KIF16B: variants seen among roughly 807,000 people sequenced by gnomAD.
KIF16B encodes the protein kinesin-like protein KIF16B.
A neutral mutation model predicts 156.3 loss-of-function variants in KIF16B; 98 were observed. The ratio of observed to expected loss-of-function variants is 0.63; its 90% CI spans 0.53 to 0.74. The LOEUF (loss-of-function observed/expected upper bound fraction) is 0.74, where lower values mean the gene tolerates loss of function less well. Ranked by LOEUF, KIF16B falls within the 30% of genes least tolerant of loss-of-function variation. KIF16B has a pLI of 0.00. For synonymous variants in KIF16B, 564 were observed against 583.7 expected (o/e 0.97, Z 0.49); for missense variants, 1,421 against 1,606.5 (o/e 0.88, Z 1.97).
intron 17 of KIF16B, among the ~76,000 whole-genome samples, chr20:16,395,954 A>C (rs1168632727): frequency 6.6e-6 from 1 of 152,150 alleles, no homozygotes; most frequent in East Asian, 1.9e-4. Flanking sequence ...GAGAGCCTTA[A>C]AACTATATGT....
chr20:16,341,377 G>C (rs574715216), intron 23 of KIF16B, among the ~76,000 whole-genome samples: 14 of 152,286 alleles, frequency 9.2e-5, no homozygotes, highest in Admixed American at 2.6e-4. Flanking sequence ...AGTGAGGTCA[G>C]TGAAGGTATC....
At chr20:16,553,061 C>T (rs1370184677) in intron 1 of KIF16B, among the ~76,000 whole-genome samples, 1 of 152,118 alleles carries the variant, frequency 6.6e-6, no homozygotes, top group Non-Finnish European at 1.5e-5. Flanking sequence ...CCACCGTACC[C>T]GGCCTCTATT....
At position 16,370,666 on chromosome 20, in the gene KIF16B, TAAATTATAGC is replaced by T. The variant is rs752906811; in HGVS notation, c.3448-40_3448-31del. The T allele has an allele frequency of 2.4e-5, 38 of 1,554,628 alleles. No individual in the cohort carries two copies. In the South Asian group the frequency reaches 4.0e-4, roughly 16 times the overall value. ...AAAGAAAAGAAAAAGCCCTCTATAT[TAAATTATAGC>T]AAGTTCACGGGGCGGGGGACTGATT... On this transcript the variant is annotated intron_variant, in intron 21 of 25. Transcript: ENST00000354981.
chr20:16,542,020 C>A (rs1600663531), intron 1 of KIF16B, among the ~76,000 whole-genome samples: 1 of 152,312 alleles, frequency 6.6e-6, no homozygotes, highest in East Asian at 1.9e-4. Context: ...ACTGTACCAA[C>A]CTCCCCTTTA....
chr20:16,387,449 T>C (rs2065255926), intron 17 of KIF16B, among the ~76,000 whole-genome samples: 2 of 152,112 alleles, frequency 1.3e-5, no homozygotes, highest in Non-Finnish European at 2.9e-5. Flanking sequence ...GGGAAGTGGA[T>C]GGCTCAAGTG....
At chr20:16,539,571 A>C (rs879599770) in intron 1 of KIF16B, among the ~76,000 whole-genome samples, 2 of 152,062 alleles carry the variant, frequency 1.3e-5, no homozygotes, top group Non-Finnish European at 2.9e-5. Context: ...CCTTGCTCTC[A>C]TTCTTTCCAT....
At position 16,318,430 on chromosome 20, in the gene KIF16B, C is replaced by T. The variant is rs117245181; in HGVS notation, c.3712-6012G>A. Among the ~76,000 whole-genome samples the T allele has an allele frequency of 4.2e-3, 646 of 152,170 alleles. 5 individuals are homozygous for T. Among genetic ancestry groups the T allele is most frequent in the Non-Finnish European group, 5.7e-3 (385 of 68,016 alleles). ...TAAGGGTAATAAAGAGGAAGCAAAG[C>T]GAGCCAGTTCTTGGAGAAACGGCTG... On this transcript the variant is annotated intron_variant, in intron 24 of 25. Transcript: ENST00000354981.
In KIF16B at chr20:16,321,311, T is replaced by C. The variant is rs891838575; in HGVS notation, c.3712-8893A>G. On this transcript the variant is annotated intron_variant, in intron 24 of 25. Transcript: ENST00000354981. ...TTATAGAAACAGTAAAAAGTGATTA[T>C]TCTTTTTACAAATTTAATGGAAGAG... Among the ~76,000 whole-genome samples the C allele has an allele frequency of 2.0e-5, 3 of 152,184 alleles. No individual in the cohort carries two copies. The East Asian group carries it at 5.8e-4, about 29-fold the overall frequency.
At chr20:16,420,095 A>G (rs1412893557) in intron 15 of KIF16B, among the ~76,000 whole-genome samples, 1 of 152,172 alleles carries the variant, frequency 6.6e-6, no homozygotes, top group Non-Finnish European at 1.5e-5. Flanking sequence ...AATGTTACAT[A>G]TCCCATCACT....
chr20:16,394,829 G>A (rs908037305), intron 17 of KIF16B, among the ~76,000 whole-genome samples: 1 of 152,146 alleles, frequency 6.6e-6, no homozygotes, highest in South Asian at 2.1e-4. Context: ...CCCAGGACAC[G>A]CAGTGGGGAC....
chr20:16,381,656 C>T (rs759583862), intron 18 of KIF16B, 38 bp downstream of exon 18: 16 of 1,529,056 alleles, frequency 1.0e-5, no homozygotes, highest in Non-Finnish European at 1.4e-5. Flanking sequence ...GGAATCCAGA[C>T]TACAGGAGTG....
intron 24 of KIF16B, among the ~76,000 whole-genome samples, chr20:16,334,721 G>A (rs2064005613): frequency 6.6e-6 from 1 of 152,040 alleles, no homozygotes; most frequent in African/African-American, 2.4e-5. Context: ...AAGAGTCTAG[G>A]ACCCCCTCCT....
At chr20:16,353,326 T>C (rs1037371472) in intron 23 of KIF16B, among the ~76,000 whole-genome samples, 1 of 152,028 alleles carries the variant, frequency 6.6e-6, no homozygotes, top group Non-Finnish European at 1.5e-5. Context: ...CAATCTAAAT[T>C]TTAAATTCCA....
intron 1 of KIF16B, among the ~76,000 whole-genome samples, chr20:16,560,818 A>C (rs1344060927): frequency 6.6e-6 from 1 of 152,136 alleles, no homozygotes. Context: ...ACCAGCTAAC[A>C]AGAGGAAACG....
At chr20:16,376,704 C>T (rs1175023360) in intron 19 of KIF16B, among the ~76,000 whole-genome samples, 1 of 152,170 alleles carries the variant, frequency 6.6e-6, no homozygotes, top group Non-Finnish European at 1.5e-5. Context: ...AACTGCAATA[C>T]TGTGTCTGCT....
At chr20:16,497,488 C>A in intron 11 of KIF16B, 125 bp downstream of exon 11, 3 of 707,980 alleles carry the variant, frequency 4.2e-6, no homozygotes, top group Admixed American at 2.6e-5. Context: ...TGATCACCAA[C>A]GAGGGAGGAG....
chr20:16,538,057 C>A (rs1319760563), intron 1 of KIF16B, among the ~76,000 whole-genome samples: 1 of 152,108 alleles, frequency 6.6e-6, no homozygotes, highest in East Asian at 1.9e-4. Context: ...CTCACCTCCT[C>A]CTGATAAACC....
intron 12 of KIF16B, among the ~76,000 whole-genome samples, chr20:16,457,973 G>A (rs886992719): frequency 2.0e-5 from 3 of 151,788 alleles, no homozygotes; most frequent in Non-Finnish European, 2.9e-5. Flanking sequence ...TTCAGAATCC[G>A]TGTTTTAGGA....
At position 16,379,025 on chromosome 20, in the gene KIF16B, T is replaced by C; in HGVS notation, c.2977A>G (p.Ile993Val). ...TGCTGCTTCTCTCTGGACTCCAAAA[T>C]CTCCTTTTCCTTTTTCCTCACTTTT... Reference protein sequence around the residue: ...EEKVRKKEKEILESREKQQRE... With the variant: ...EEKVRKKEKEVLESREKQQRE... Residue 993 changes from isoleucine (I) to valine (V), a missense_variant, in exon 19 of 26, where the codon ATT becomes GTT. Ile to Val is a conservative substitution (Grantham distance 29, BLOSUM62 3). Transcript: ENST00000354981. The C allele has an allele frequency of 6.2e-7, 1 of 1,611,792 alleles. No individual in the cohort carries two copies. The highest frequency in any genetic ancestry group is 1.1e-5 in the South Asian group (1 of 90,654).
Sources: gnomAD v4.1 joint callset for allele counts (sites outside exome capture counted in the v4.1 genomes callset) on GRCh38, gnomAD v4.1.1 for gene constraint, MANE v1.5 for transcripts, NCBI Gene and HGNC (gene_info 2026-07-23, HGNC 2026-07-21) for gene names.